The following ATAD2B variants were observed in gnomAD, a reference collection of about 807,000 sequenced individuals.
The protein encoded by ATAD2B is ATPase family AAA domain containing 2B, also known as ATPase family AAA domain-containing protein 2B.
In ATAD2B, 40 loss-of-function variants were observed where a neutral mutation model predicts 167.6. That is an observed-to-expected ratio of 0.24 (90% CI 0.19 to 0.31). The LOEUF is 0.31. Among genes scored for constraint, ATAD2B ranks in the 10% least tolerant of loss-of-function variants. The probability of loss-of-function intolerance (pLI) is 1.00; values close to 1 mark genes in which losing one functional copy is unlikely to be tolerated. For missense variants in ATAD2B, 1,242 were observed against 1,757.2 expected, an observed-to-expected ratio of 0.71 and a Z score of 5.24; for synonymous variants, 579 against 596.5, an observed-to-expected ratio of 0.97 and a Z score of 0.43.
At chr2:23,807,845 A>AT (rs67112039) in intron 18 of ATAD2B, among the ~76,000 whole-genome samples, 2 of 132,432 alleles carry the variant, frequency 1.5e-5, no homozygotes, top group South Asian at 2.2e-4. Flanking sequence ...ATATATATAT[A>AT]ATAAAATATA....
At chr2:23,772,900 G>A (rs950197650) in intron 22 of ATAD2B, among the ~76,000 whole-genome samples, 3 of 152,084 alleles carry the variant, frequency 2.0e-5, no homozygotes, top group Non-Finnish European at 4.4e-5. Context: ...ACCACGCCTG[G>A]CTAATTTTTG....
chr2:23,679,536 A>T, the ATAD2B span, among the ~76,000 whole-genome samples: 1 of 151,692 alleles, frequency 6.6e-6, no homozygotes, highest in Non-Finnish European at 1.5e-5. Context: ...GCCAGCCAAG[A>T]TTCAAAGGGT....
chr2:23,824,154 G>A, intron 15 of ATAD2B, among the ~76,000 whole-genome samples: 1 of 151,952 alleles, frequency 6.6e-6, no homozygotes, highest in East Asian at 1.9e-4. Flanking sequence ...TAGAGATGAG[G>A]TCTCACTACA....
intron 14 of ATAD2B, among the ~76,000 whole-genome samples, chr2:23,830,524 G>C (rs182681153): frequency 6.0e-4 from 91 of 152,206 alleles, no homozygotes; most frequent in African/African-American, 2.0e-3. Flanking sequence ...GAGGAATCTG[G>C]GGTCCAGCAA....
chr2:23,683,217 T>C, the ATAD2B span, among the ~76,000 whole-genome samples: 1 of 152,338 alleles, frequency 6.6e-6, no homozygotes, highest in Admixed American at 6.5e-5. Flanking sequence ...GCAGGGGCGA[T>C]GGCCGGTGGG....
the ATAD2B span, chr2:23,707,344 C>A: frequency 6.6e-6 from 1 of 152,268 alleles, no homozygotes; most frequent in South Asian, 2.1e-4. Context: ...CTTTCTCTTA[C>A]CCGGTATGAA....
chr2:23,782,625 A>G (rs1235455910), intron 22 of ATAD2B, among the ~76,000 whole-genome samples: 1 of 152,242 alleles, frequency 6.6e-6, no homozygotes, highest in Non-Finnish European at 1.5e-5. Flanking sequence ...TCAAATTACA[A>G]TGTAAATATA....
At chr2:23,897,884 T>C (rs921769754) in intron 1 of ATAD2B, among the ~76,000 whole-genome samples, 22 of 152,342 alleles carry the variant, frequency 1.4e-4, no homozygotes, top group African/African-American at 4.6e-4. Flanking sequence ...TCACTGTTAC[T>C]GAGGCGTCAC....
chr2:23,880,742 C>A lies in ATAD2B; in HGVS notation c.798G>T (p.Glu266Asp). 1 of 1,594,080 alleles carries A rather than the reference C, an allele frequency of 6.3e-7. No homozygotes were observed. The highest frequency in any genetic ancestry group is 8.6e-7 in the Non-Finnish European group (1 of 1,165,484). ...CCTCTTCAACTTCTATATCTCCATC[C>A]TCCTCTTGAGATTCTAGTTTCCCAC... ...TEGEEEESQE[E>D]DGDIEVEEAE... is the part of the protein sequence containing the mutation. Residue 266 changes from glutamate to aspartate, a missense_variant, in exon 7 of 28, where the codon GAG (glutamate) becomes GAT (aspartate). This residue lies in a region of ATAD2B where 99 missense variants were observed against 160.4 expected (regional missense o/e 0.62). Transcript: ENST00000238789.
intron 13 of ATAD2B, among the ~76,000 whole-genome samples, chr2:23,850,240 C>T (rs369406148): frequency 1.0e-3 from 157 of 151,078 alleles, no homozygotes; most frequent in African/African-American, 3.6e-3. Flanking sequence ...GAAAAATAAC[C>T]ACAGCTATTT....
At chr2:23,830,423 G>A (rs146236160) in intron 14 of ATAD2B, among the ~76,000 whole-genome samples, 148 of 152,298 alleles carry the variant, frequency 9.7e-4, no homozygotes, top group African/African-American at 3.5e-3. Context: ...TAAAAATTGA[G>A]TATGCTTGTT....
intron 27 of ATAD2B, among the ~76,000 whole-genome samples, chr2:23,752,441 G>A (rs964357957): frequency 1.3e-5 from 2 of 150,334 alleles, no homozygotes; most frequent in Non-Finnish European, 3.0e-5. Context: ...TTTACTAAGA[G>A]ATTTCTATAT....
At chr2:23,678,094 G>A in the ATAD2B span, among the ~76,000 whole-genome samples, 26 of 152,272 alleles carry the variant, frequency 1.7e-4, no homozygotes, top group East Asian at 9.6e-4. Context: ...CAGCCAGAAC[G>A]AGCCCATTAG....
At chr2:23,878,156 T>C (rs1697314078) in intron 7 of ATAD2B, among the ~76,000 whole-genome samples, 2 of 150,620 alleles carry the variant, frequency 1.3e-5, no homozygotes, top group African/African-American at 4.9e-5. Flanking sequence ...AGGACAAGAG[T>C]TCGAGATCAG....
chr2:23,734,238 C>A, the ATAD2B span, among the ~76,000 whole-genome samples: 609 of 152,266 alleles, frequency 4.0e-3, 8 homozygotes, highest in African/African-American at 0.012. Context: ...CTCACTGCAA[C>A]CTCCACCTCC....
the ATAD2B span, among the ~76,000 whole-genome samples, chr2:23,682,945 ATGTGGCGTGT>A: frequency 6.6e-6 from 1 of 152,164 alleles, no homozygotes; most frequent in East Asian, 1.9e-4. The surrounding 1 kb of genome is among the most constrained non-coding windows in gnomAD (Gnocchi z 4.1). Flanking sequence ...CTGAACATGC[ATGTGGCGTGT>A]TCTCCAGGAG....
At chr2:23,781,096 C>T (rs566806570) in intron 22 of ATAD2B, among the ~76,000 whole-genome samples, 1 of 151,856 alleles carries the variant, frequency 6.6e-6, no homozygotes, top group South Asian at 2.1e-4. Context: ...AGCTAGGCCT[C>T]GGCGTACTAC....
chr2:23,680,595 C>G, the ATAD2B span, among the ~76,000 whole-genome samples: 14 of 151,754 alleles, frequency 9.2e-5, no homozygotes, highest in East Asian at 2.7e-3. The surrounding 1 kb of genome is among the most constrained non-coding windows in gnomAD (Gnocchi z 4.1). Context: ...CAGACCCCAC[C>G]GAGCCTCCAT....
intron 19 of ATAD2B, among the ~76,000 whole-genome samples, chr2:23,791,820 T>C (rs150041507): frequency 6.6e-6 from 1 of 152,348 alleles, no homozygotes; most frequent in East Asian, 1.9e-4. Flanking sequence ...TTGGTTACTA[T>C]GAATGATGCT....
Sources: gnomAD v4.1 joint callset for allele counts (sites outside exome capture counted in the v4.1 genomes callset) on GRCh38, gnomAD v4.1.1 for gene constraint, gnomAD v4.1.1 regional missense constraint, Gnocchi (gnomAD v3.1) non-coding constraint, MANE v1.5 for transcripts, NCBI Gene and HGNC (gene_info 2026-07-23, HGNC 2026-07-21) for gene names.